Variants in THSD4 observed in about 807,000 individuals in gnomAD.
THSD4 encodes thrombospondin type-1 domain-containing protein 4.
A neutral mutation model predicts 119.0 loss-of-function variants in THSD4; 69 were observed. That is an observed-to-expected ratio of 0.58 (90% CI 0.48 to 0.71). THSD4 has a LOEUF of 0.71. Among genes scored for constraint, THSD4 ranks in the 30% least tolerant of loss-of-function variants. THSD4 has a pLI of 0.00. For missense variants in THSD4, 1,393 were observed against 1,391.1 expected (o/e 1.00, Z -0.02); for synonymous variants, 524 against 540.4 (o/e 0.97, Z 0.42).
At chr15:71,199,700 GTGTC>G (rs1465025230) in intron 3 of THSD4, among the ~76,000 whole-genome samples, 1 of 13,950 alleles carries the variant, frequency 7.2e-5, no homozygotes, top group African/African-American at 4.1e-4. Flanking sequence ...GGTGTGTGTG[GTGTC>G]TGGGTGTGTG....
At chr15:71,461,279 G>C (rs2047425308) in intron 7 of THSD4, among the ~76,000 whole-genome samples, 2 of 152,356 alleles carry the variant, frequency 1.3e-5, no homozygotes, top group South Asian at 4.1e-4. Flanking sequence ...AGCTGTTCGA[G>C]TGTCTTCACA....
chr15:71,279,057 G>A (rs1309794814), intron 6 of THSD4, among the ~76,000 whole-genome samples: 1 of 152,134 alleles, frequency 6.6e-6, no homozygotes, highest in Non-Finnish European at 1.5e-5. Context: ...TGGAACGTTT[G>A]GTTTGAGGAA....
intron 7 of THSD4, among the ~76,000 whole-genome samples, chr15:71,613,251 G>A (rs2050262690): frequency 6.6e-6 from 1 of 152,174 alleles, no homozygotes; most frequent in African/African-American, 2.4e-5. Context: ...CCCTCTTGGA[G>A]ATTCATAAGG....
Position 71,660,662 on chromosome 15 carries a change from C to T in THSD4, c.1285C>T (p.Arg429Cys), listed in dbSNP as rs753444789. The T allele has an allele frequency of 7.4e-6, 12 of 1,614,038 alleles. No homozygotes were observed. The highest frequency in any genetic ancestry group is 2.2e-5 in the East Asian group (1 of 44,884). ...KHALTSLGYHRVVEIPEGATK... is the reference protein window; with the variant it reads ...KHALTSLGYHCVVEIPEGATK... ...TGCCCTCACCAGCCTGGGCTACCACCGCGTCGTGGAGATTCCCGAGGGAGC... is the reference window on the plus strand; with the variant it reads ...TGCCCTCACCAGCCTGGGCTACCACTGCGTCGTGGAGATTCCCGAGGGAGC... Residue 429 changes from arginine to cysteine, a missense_variant, in exon 8 of 18, where the codon CGC becomes TGC. Transcript: ENST00000261862.
chr15:71,471,622 A>C (rs78078135), intron 7 of THSD4, among the ~76,000 whole-genome samples: 1 of 151,586 alleles, frequency 6.6e-6, no homozygotes. Flanking sequence ...GCAAGGATGC[A>C]CTGCTCAGAC....
chr15:71,299,972 AAAAAATAT>A (rs1247068804), intron 6 of THSD4, among the ~76,000 whole-genome samples: 560 of 27,276 alleles, frequency 0.021, 2 homozygotes, highest in East Asian at 0.039. Context: ...AAAAAAAAAA[AAAAAATAT>A]ATATATATAT....
intron 7 of THSD4, among the ~76,000 whole-genome samples, chr15:71,439,782 A>G (rs2047065529): frequency 6.6e-6 from 1 of 152,188 alleles, no homozygotes; most frequent in African/African-American, 2.4e-5. Context: ...CAGACACCAC[A>G]TGTTCTCACT....
At chr15:71,460,305 GTTTTTTTTTTTTT>G (rs563476190) in intron 7 of THSD4, among the ~76,000 whole-genome samples, 4 of 122,580 alleles carry the variant, frequency 3.3e-5, no homozygotes, top group African/African-American at 9.0e-5. Context: ...AAGTTGCCTG[GTTTTTTTTTTTTT>G]TTTTTTTTTG....
At chr15:71,646,475 G>A (rs2050970383) in intron 7 of THSD4, among the ~76,000 whole-genome samples, 1 of 152,130 alleles carries the variant, frequency 6.6e-6, no homozygotes, top group Non-Finnish European at 1.5e-5. Flanking sequence ...CCATTCTCTA[G>A]CTAAATAACA....
At chr15:71,749,841 C>T (rs1313648853) in intron 14 of THSD4, among the ~76,000 whole-genome samples, 1 of 151,790 alleles carries the variant, frequency 6.6e-6, no homozygotes, top group Non-Finnish European at 1.5e-5. Context: ...TGCCTCAGCA[C>T]CCCCTGCCCC....
At chr15:71,492,678 G>A (rs1349609855) in intron 7 of THSD4, among the ~76,000 whole-genome samples, 1 of 152,162 alleles carries the variant, frequency 6.6e-6, no homozygotes, top group African/African-American at 2.4e-5. Context: ...TTCTAGAAAA[G>A]AAACATGGCA....
chr15:71,442,660 G>GTGTGTGTATATATATATATATATA, intron 7 of THSD4, among the ~76,000 whole-genome samples: 1 of 25,818 alleles, frequency 3.9e-5, no homozygotes, highest in African/African-American at 1.1e-4. Context: ...GTGTGTGTGT[G>GTGTGTGTATATATATATATATATA]TATATATATA....
intron 8 of THSD4, among the ~76,000 whole-genome samples, chr15:71,714,418 A>T (rs1355948281): frequency 1.3e-5 from 2 of 152,196 alleles, no homozygotes; most frequent in Non-Finnish European, 2.9e-5. Context: ...GACTTTTAGG[A>T]TAGGTTAGGA....
chr15:71,601,534 G>C (rs565365632), intron 7 of THSD4, among the ~76,000 whole-genome samples: 1 of 152,216 alleles, frequency 6.6e-6, no homozygotes, highest in East Asian at 1.9e-4. Context: ...ATAAATGACT[G>C]TAATTGCACC....
intron 5 of THSD4, among the ~76,000 whole-genome samples, chr15:71,249,728 T>A (rs140438241): frequency 7.8e-4 from 119 of 152,354 alleles, no homozygotes; most frequent in African/African-American, 2.7e-3. Flanking sequence ...TATCCTTGTC[T>A]GTCTCTCAAG....
At chr15:71,543,647 A>G (rs1336405145) in intron 7 of THSD4, among the ~76,000 whole-genome samples, 1 of 152,216 alleles carries the variant, frequency 6.6e-6, no homozygotes, top group African/African-American at 2.4e-5. Flanking sequence ...TTTGGAGTAC[A>G]TTTGAGGAAT....
intron 7 of THSD4, among the ~76,000 whole-genome samples, chr15:71,573,078 A>G (rs1180072431): frequency 1.3e-5 from 2 of 152,142 alleles, no homozygotes; most frequent in Admixed American, 6.6e-5. Context: ...AGCTTGGCAG[A>G]CATGCACTTT....
At chr15:71,181,870 T>G (rs1180921085) in intron 3 of THSD4, among the ~76,000 whole-genome samples, 2 of 152,162 alleles carry the variant, frequency 1.3e-5, no homozygotes, top group Admixed American at 6.5e-5. Context: ...TCCCTCCATC[T>G]CTAGATTGTG....
chr15:71,232,579 AG>A (rs553531589), intron 4 of THSD4, among the ~76,000 whole-genome samples: 5 of 151,926 alleles, frequency 3.3e-5, no homozygotes, highest in Non-Finnish European at 7.4e-5. Flanking sequence ...AGAAGTAGGT[AG>A]GGTAGGGTTC....
Sources: allele counts gnomAD v4.1 joint callset (sites outside exome capture counted in the v4.1 genomes callset), GRCh38; gene constraint gnomAD v4.1.1; transcripts MANE v1.5; gene names NCBI Gene and HGNC (gene_info 2026-07-23, HGNC 2026-07-21).